GPD2: variants seen among roughly 807,000 people sequenced by gnomAD.
The protein encoded by GPD2 is glycerol-3-phosphate dehydrogenase, mitochondrial.
In GPD2, 54 loss-of-function variants were observed where a neutral mutation model predicts 82.4. That is an observed-to-expected ratio of 0.66 (90% CI 0.53 to 0.82). The LOEUF (loss-of-function observed/expected upper bound fraction) is 0.82, where lower values mean the gene tolerates loss of function less well. GPD2 is among the 40% of genes least tolerant of loss of function. GPD2 has a pLI of 0.00. For missense variants in GPD2, 748 were observed against 896.2 expected (o/e 0.83, Z 2.11); for synonymous variants, 288 against 306.1 (o/e 0.94, Z 0.62).
At chr2:156,404,566 T>G in the GPD2 span, among the ~76,000 whole-genome samples, 1 of 151,408 alleles carries the variant, frequency 6.6e-6, no homozygotes, top group Non-Finnish European at 1.5e-5. Flanking sequence ...TTAGGCCAAG[T>G]GTGGTGCCTC....
the GPD2 span, among the ~76,000 whole-genome samples, chr2:156,417,787 G>A: frequency 2.0e-5 from 3 of 152,136 alleles, no homozygotes; most frequent in African/African-American, 7.2e-5. Context: ...GGAGGCTGAG[G>A]TAGGAGGATT....
intron 9 of GPD2, among the ~76,000 whole-genome samples, chr2:156,562,892 G>A (rs569659554): frequency 3.3e-5 from 5 of 152,132 alleles, no homozygotes; most frequent in Non-Finnish European, 5.9e-5. Flanking sequence ...GATGGTAAGA[G>A]TATTTTACTT....
chr2:156,516,033 C>T lies in GPD2; in HGVS notation c.661+2537C>T, dbSNP rs529094560. Among the ~76,000 whole-genome samples the T allele has an allele frequency of 2.0e-3, 303 of 152,252 alleles. 1 individual carries two copies. Among genetic ancestry groups the T allele is most frequent in the African/African-American group, 6.8e-3 (283 of 41,556 alleles). ...ATCCATGCTCAACAAAAGGAATGAA[C>T]GCCTTTTTTCCCTTTGACTGGAAAA... On this transcript the variant is annotated intron_variant, in intron 6 of 16. Transcript: ENST00000438166.
chr2:156,543,686 T>G (rs1167810678), intron 6 of GPD2, among the ~76,000 whole-genome samples: 1 of 152,218 alleles, frequency 6.6e-6, no homozygotes, highest in Non-Finnish European at 1.5e-5. Context: ...GGGTAAGATG[T>G]ACCACATAGT....
At chr2:156,579,599 T>G (rs1302997348) in intron 15 of GPD2, 91 bp from the exon 16 acceptor site, 4 of 740,460 alleles carry the variant, frequency 5.4e-6, no homozygotes, top group Non-Finnish European at 9.8e-6. Context: ...CCCAAAGTGC[T>G]GGGATTACAG....
At chr2:156,437,989 C>T (rs1272620136) in intron 1 of GPD2, among the ~76,000 whole-genome samples, 4 of 152,140 alleles carry the variant, frequency 2.6e-5, no homozygotes, top group East Asian at 3.8e-4. Context: ...TCATCTCTAG[C>T]GTGTAAGTTC....
Position 156,513,423 on chromosome 2 carries a change from C to A in GPD2, c.588C>A (p.Ser196Arg). ...SNCLKSSYVL[S>R]KSRALEHFPM... is the part of the protein sequence containing the mutation. ...GCCTAAAAAGCAGTTATGTCCTCAGCAAATCAAGAGCCCTTGAACATTTCC... is the reference window on the plus strand; with the variant it reads ...GCCTAAAAAGCAGTTATGTCCTCAGAAAATCAAGAGCCCTTGAACATTTCC... The change falls in exon 6 of 17, where the codon AGC (serine) becomes AGA (arginine). Residue 196 changes from serine (S) to arginine (R), a missense_variant. Transcript: ENST00000438166. 2 of 1,611,962 alleles carry A rather than the reference C, an allele frequency of 1.2e-6. No individual in the cohort carries two copies. Among genetic ancestry groups the A allele is most frequent in the South Asian group, 2.2e-5 (2 of 91,008 alleles).
chr2:156,478,786 G>C (rs1201375083), intron 2 of GPD2, among the ~76,000 whole-genome samples: 1 of 152,202 alleles, frequency 6.6e-6, no homozygotes, highest in Non-Finnish European at 1.5e-5. Flanking sequence ...TGATGTTTAA[G>C]TATTGGCTTG....
chr2:156,428,805 C>A, the GPD2 span, among the ~76,000 whole-genome samples: 1 of 152,188 alleles, frequency 6.6e-6, no homozygotes, highest in Non-Finnish European at 1.5e-5. Context: ...CAAAGATTCT[C>A]TGCTTTCCTG....
chr2:156,482,393 T>C (rs2105214430), intron 2 of GPD2, among the ~76,000 whole-genome samples: 1 of 152,286 alleles, frequency 6.6e-6, no homozygotes, highest in East Asian at 1.9e-4. Flanking sequence ...TTTTTTTCTA[T>C]GTAGGCTTAT....
chr2:156,483,247 T>C (rs1044073262), intron 2 of GPD2, among the ~76,000 whole-genome samples: 1 of 152,230 alleles, frequency 6.6e-6, no homozygotes, highest in African/African-American at 2.4e-5. Flanking sequence ...AATGTGTCTG[T>C]TATGTGAATG....
chr2:156,570,410 A>T (rs191670330), intron 12 of GPD2, among the ~76,000 whole-genome samples, 192 bp downstream of exon 12: 1 of 152,294 alleles, frequency 6.6e-6, no homozygotes, highest in East Asian at 1.9e-4. Context: ...AGTGATATTG[A>T]TAGTGGTAAT....
At position 156,535,394 on chromosome 2, in the gene GPD2, G is replaced by C. The variant is rs1465342007; in HGVS notation, c.662-14214G>C. On this transcript the variant is annotated intron_variant, in intron 6 of 16. Coordinates refer to ENST00000438166, the MANE Select transcript of GPD2 (RefSeq NM_000408.5). Reference sequence around the variant, plus strand: ...GCGAGAAAGAGAAAAAGACCTGGGGGGGGGCGGGGAGAGAGAGAGACCTAG... The same window carrying C: ...GCGAGAAAGAGAAAAAGACCTGGGGCGGGGCGGGGAGAGAGAGAGACCTAG... Among the ~76,000 whole-genome samples, 339 of 117,496 alleles carry C rather than the reference G, an allele frequency of 2.9e-3. 4 individuals carry two copies. The highest frequency in any genetic ancestry group is 0.01 in the African/African-American group (319 of 31,134). The allele number at this position is 117,496 out of a possible 152,430, so 77.1% of individuals were successfully genotyped here.
At chr2:156,446,637 C>T (rs186136353) in intron 1 of GPD2, among the ~76,000 whole-genome samples, 340 of 151,686 alleles carry the variant, frequency 2.2e-3, no homozygotes, top group Non-Finnish European at 3.5e-3. Flanking sequence ...TGCAGTGGCA[C>T]GATCTTGGCT....
At chr2:156,415,703 A>G in the GPD2 span, among the ~76,000 whole-genome samples, 3 of 151,978 alleles carry the variant, frequency 2.0e-5, no homozygotes, top group African/African-American at 7.2e-5. Flanking sequence ...TAAAAATACA[A>G]AATTAGCCGG....
chr2:156,532,424 A>G (rs1004179986), intron 6 of GPD2, among the ~76,000 whole-genome samples: 1 of 152,106 alleles, frequency 6.6e-6, no homozygotes. Context: ...GTGGTTATCT[A>G]TGATTGGACT....
the GPD2 span, among the ~76,000 whole-genome samples, chr2:156,408,241 C>T: frequency 2.6e-5 from 4 of 152,094 alleles, no homozygotes; most frequent in Admixed American, 6.5e-5. Flanking sequence ...AGGCGTTAGA[C>T]ACTGAGCCTG....
chr2:156,410,198 C>A, the GPD2 span, among the ~76,000 whole-genome samples: 3 of 152,206 alleles, frequency 2.0e-5, no homozygotes, highest in Admixed American at 6.5e-5. Flanking sequence ...GCACGTCTCA[C>A]ACATGCGGGT....
At chr2:156,532,621 ATCC>A (rs1410918431) in intron 6 of GPD2, among the ~76,000 whole-genome samples, 2 of 152,186 alleles carry the variant, frequency 1.3e-5, no homozygotes, top group Non-Finnish European at 2.9e-5. Context: ...GGAGGGGCTG[ATCC>A]TAGCAGCTCT....
Sources: allele counts gnomAD v4.1 joint callset (sites outside exome capture counted in the v4.1 genomes callset), GRCh38; gene constraint gnomAD v4.1.1; transcripts MANE v1.5; gene names NCBI Gene and HGNC (gene_info 2026-07-23, HGNC 2026-07-21).